CAAP1: variants seen among roughly 807,000 people sequenced by gnomAD.
The protein encoded by CAAP1 is caspase activity and apoptosis inhibitor 1, also known as conserved anti-apoptotic protein.
A neutral mutation model predicts 34.0 loss-of-function variants in CAAP1; 20 were observed. That is an observed-to-expected ratio of 0.59 (90% CI 0.41 to 0.86). The LOEUF is 0.86. Among genes scored for constraint, CAAP1 ranks in the 40% least tolerant of loss-of-function variants. The pLI is 0.00. For synonymous variants in CAAP1, 213 were observed against 166.7 expected, an observed-to-expected ratio of 1.28 and a Z score of -2.14; for missense variants, 538 against 450.5, an observed-to-expected ratio of 1.19 and a Z score of -1.76.
intron 4 of CAAP1, among the ~76,000 whole-genome samples, chr9:26,866,577 C>T (rs1345204264): frequency 6.6e-6 from 1 of 152,106 alleles, no homozygotes; most frequent in African/African-American, 2.4e-5. Flanking sequence ...AAGACAAACA[C>T]TCTGGTATAA....
At chr9:26,852,445 GCT>G (rs1247154477) in intron 5 of CAAP1, among the ~76,000 whole-genome samples, 1 of 151,626 alleles carries the variant, frequency 6.6e-6, no homozygotes, top group African/African-American at 2.4e-5. Context: ...ACAGAGAGAG[GCT>G]CTGTCTCAAA....
rs543170838 is a variant in CAAP1 at position 26,841,398 on chromosome 9, T to C, written c.*903A>G. On this transcript the variant is annotated 3_prime_UTR_variant, in exon 6 of 6. Transcript: ENST00000333916. ...ATTTATTTACAAAAACTATACAAAA[T>C]TAGATTAATTATAACAACAACTTAT... is the stretch of plus-strand genomic sequence containing the variant. The C allele has an allele frequency of 6.6e-5, 10 of 152,656 alleles. 1 individual carries two copies. In the East Asian group the frequency reaches 1.4e-3, roughly 21 times the overall value. 9.5% of individuals were successfully genotyped at this position (152,656 alleles called of 1,614,324 possible). A position where few individuals can be genotyped will look rare whatever the true frequency, so the allele number is the denominator to read the frequency against.
At chr9:26,865,060 G>C (rs1329805467) in intron 4 of CAAP1, among the ~76,000 whole-genome samples, 1 of 152,100 alleles carries the variant, frequency 6.6e-6, no homozygotes. Flanking sequence ...ATGTGTCTAA[G>C]AGAATTGAAT....
At chr9:26,849,923 C>T (rs1822705205) in intron 5 of CAAP1, among the ~76,000 whole-genome samples, 1 of 151,702 alleles carries the variant, frequency 6.6e-6, no homozygotes, top group African/African-American at 2.4e-5. Context: ...ACTGCAAGCT[C>T]CGCCTCCCAG....
At chr9:26,844,850 T>C (rs992630592) in intron 5 of CAAP1, among the ~76,000 whole-genome samples, 2 of 152,230 alleles carry the variant, frequency 1.3e-5, no homozygotes, top group Non-Finnish European at 2.9e-5. Flanking sequence ...AGGAACTTTT[T>C]TTATTCTTGA....
At chr9:26,875,832 T>C (rs1302395637) in intron 4 of CAAP1, among the ~76,000 whole-genome samples, 1 of 152,174 alleles carries the variant, frequency 6.6e-6, no homozygotes, top group African/African-American at 2.4e-5. Flanking sequence ...TGGTGTGATC[T>C]CCTTTGGAAT....
At chr9:26,863,264 C>A (rs1286180038) in intron 4 of CAAP1, among the ~76,000 whole-genome samples, 3 of 152,058 alleles carry the variant, frequency 2.0e-5, no homozygotes, top group Non-Finnish European at 2.9e-5. Context: ...GAATTTCAGA[C>A]AGTAAGTATT....
At chr9:26,854,858 T>C (rs200131926) in intron 5 of CAAP1, among the ~76,000 whole-genome samples, 8 of 152,232 alleles carry the variant, frequency 5.3e-5, no homozygotes, top group African/African-American at 1.9e-4. Context: ...ATATGCCTAT[T>C]AGAATGACCA....
chr9:26,871,577 T>TAA (rs147681252), intron 4 of CAAP1, among the ~76,000 whole-genome samples: 5,338 of 117,346 alleles, frequency 0.045, 371 homozygotes, highest in African/African-American at 0.16. Flanking sequence ...ACTCTGTCTT[T>TAA]AAAAAAAAAA....
At chr9:26,858,481 T>G (rs1822923588) in intron 5 of CAAP1, among the ~76,000 whole-genome samples, 2 of 152,218 alleles carry the variant, frequency 1.3e-5, no homozygotes, top group African/African-American at 2.4e-5. Context: ...ATTTTAATCA[T>G]TTAGTAGATA....
intron 4 of CAAP1, among the ~76,000 whole-genome samples, chr9:26,870,828 G>T (rs1470339494): frequency 1.3e-5 from 2 of 151,766 alleles, no homozygotes; most frequent in African/African-American, 2.4e-5. Context: ...TGTTAGCTGG[G>T]GTGGTCTCAA....
rs779297443 is a variant in CAAP1 at position 26,842,586 on chromosome 9, T to C, written c.801A>G (p.Glu267=). The C allele has an allele frequency of 6.2e-7, 1 of 1,614,214 alleles. No homozygotes were observed. The highest frequency in any genetic ancestry group is 8.5e-7 in the Non-Finnish European group (1 of 1,180,036). ...INADAYDSDI[E]GPCNEEAAAP... ...CAGCTGCTTCTTCGTTGCATGGGCC[T>C]TCTATGTCGCTGTCATAAGCATCTG... Residue 267 remains glutamate (E), a synonymous_variant, in exon 6 of 6, where the codon GAA becomes GAG. Coordinates refer to ENST00000333916, the MANE Select transcript of CAAP1 (RefSeq NM_024828.4).
chr9:26,847,127 TCTTAG>T (rs1250698678), intron 5 of CAAP1, among the ~76,000 whole-genome samples: 1 of 151,004 alleles, frequency 6.6e-6, no homozygotes, highest in Admixed American at 6.6e-5. Context: ...TTTTTTTTCA[TCTTAG>T]CAATGTACTA....
chr9:26,884,669 C>G (rs938071149), intron 4 of CAAP1, 141 bp downstream of exon 4: 11 of 690,864 alleles, frequency 1.6e-5, no homozygotes, highest in African/African-American at 1.4e-4. Context: ...CCAATCATTA[C>G]AAGTAGACAA....
chr9:26,861,418 C>T (rs1161116127), intron 4 of CAAP1, among the ~76,000 whole-genome samples: 1 of 152,166 alleles, frequency 6.6e-6, no homozygotes, highest in African/African-American at 2.4e-5. Context: ...CCTTACAATA[C>T]TCTGCAGGGT....
At chr9:26,871,433 C>G (rs1679867285) in intron 4 of CAAP1, among the ~76,000 whole-genome samples, 1 of 151,042 alleles carries the variant, frequency 6.6e-6, no homozygotes, top group African/African-American at 2.4e-5. Context: ...AAAGATTAGC[C>G]AGGCACAGTG....
intron 4 of CAAP1, among the ~76,000 whole-genome samples, chr9:26,863,952 C>T (rs1823066797): frequency 1.3e-5 from 2 of 152,064 alleles, no homozygotes; most frequent in Admixed American, 6.6e-5. Context: ...CCATCATGCC[C>T]GGCTAATTTT....
At chr9:26,882,783 AAAG>A (rs951337575) in intron 4 of CAAP1, among the ~76,000 whole-genome samples, 11 of 152,112 alleles carry the variant, frequency 7.2e-5, no homozygotes, top group African/African-American at 2.4e-4. Flanking sequence ...TGTACCCTAC[AAAG>A]AAACAGGCGC....
intron 4 of CAAP1, among the ~76,000 whole-genome samples, chr9:26,880,022 G>A (rs997332527): frequency 6.3e-5 from 9 of 142,914 alleles, no homozygotes; most frequent in African/African-American, 1.5e-4. Flanking sequence ...AGAGAACCCC[G>A]ACTAATACAG....
Sources: allele counts gnomAD v4.1 joint callset (sites outside exome capture counted in the v4.1 genomes callset), GRCh38; gene constraint gnomAD v4.1.1; transcripts MANE v1.5; gene names NCBI Gene and HGNC (gene_info 2026-07-23, HGNC 2026-07-21).